JCAD: variants seen among roughly 807,000 people sequenced by gnomAD.
JCAD encodes junctional cadherin 5 associated.
In JCAD, 40 loss-of-function variants were observed where a neutral mutation model predicts 98.0. The ratio of observed to expected loss-of-function variants is 0.41; its 90% CI spans 0.32 to 0.53. JCAD has a LOEUF of 0.53. JCAD is among the 20% of genes least tolerant of loss of function. The pLI is 0.31. For synonymous variants in JCAD, 691 were observed against 682.3 expected, an observed-to-expected ratio of 1.01 and a Z score of -0.20; for missense variants, 1,705 against 1,738.1, an observed-to-expected ratio of 0.98 and a Z score of 0.34.
chr10:30,100,591 C>T (rs1292925687), intron 1 of JCAD, among the ~76,000 whole-genome samples: 1 of 152,136 alleles, frequency 6.6e-6, no homozygotes, highest in Non-Finnish European at 1.5e-5. Flanking sequence ...ACCAAGTTGG[C>T]CACGCTGGTC....
At chr10:30,032,827 G>A (rs879435757) in intron 2 of JCAD, among the ~76,000 whole-genome samples, 3 of 152,084 alleles carry the variant, frequency 2.0e-5, no homozygotes, top group East Asian at 1.9e-4. Context: ...CTGCTTACAC[G>A]GTGGTTGCTG....
chr10:30,065,396 A>C (rs1423154083), intron 2 of JCAD, among the ~76,000 whole-genome samples: 2 of 152,210 alleles, frequency 1.3e-5, no homozygotes, highest in Admixed American at 1.3e-4. Flanking sequence ...AATAAATAAA[A>C]AGCTGCCAAA....
chr10:30,032,006 G>A (rs1025068614), intron 2 of JCAD, among the ~76,000 whole-genome samples: 2 of 151,700 alleles, frequency 1.3e-5, no homozygotes, highest in African/African-American at 2.4e-5. Flanking sequence ...CGCCCGCCTC[G>A]GCCTCCCAAA....
At chr10:30,106,860 C>A (rs770829289) in intron 1 of JCAD, among the ~76,000 whole-genome samples, 35 of 152,132 alleles carry the variant, frequency 2.3e-4, no homozygotes, top group Non-Finnish European at 3.5e-4. Flanking sequence ...TTTGATTTCT[C>A]AATTATTATC....
rs989237024 is a variant in JCAD at position 30,017,687 on chromosome 10, C to T, written c.*196G>A. 3.6e-5 allele frequency: 23 copies of T among 639,196 alleles called. No homozygotes were observed. The highest frequency in any genetic ancestry group is 1.7e-4 in the South Asian group (9 of 53,960). 39.6% of individuals were successfully genotyped at this position (639,196 alleles called of 1,614,324 possible). A position where few individuals can be genotyped will look rare whatever the true frequency, so the allele number is the denominator to read the frequency against. On this transcript the variant is annotated 3_prime_UTR_variant, in exon 4 of 4. Transcript: ENST00000375377. Reference sequence around the variant, plus strand: ...TATAAAAACAGATGGTTTCAACGGACGATTGCTTTATCGCCACAAAGCAAT... The same window carrying T: ...TATAAAAACAGATGGTTTCAACGGATGATTGCTTTATCGCCACAAAGCAAT...
intron 1 of JCAD, among the ~76,000 whole-genome samples, chr10:30,084,396 A>C (rs1838134568): frequency 6.6e-6 from 1 of 152,188 alleles, no homozygotes; most frequent in Admixed American, 6.5e-5. Flanking sequence ...ATTTGGTCAA[A>C]CCTTCTGTGC....
chr10:30,093,598 C>T (rs1838319411), intron 1 of JCAD, among the ~76,000 whole-genome samples: 3 of 152,202 alleles, frequency 2.0e-5, no homozygotes, highest in Non-Finnish European at 4.4e-5. Flanking sequence ...TGAGATCCTG[C>T]CAAATATGTC....
intron 2 of JCAD, among the ~76,000 whole-genome samples, chr10:30,041,064 C>T (rs1381512257): frequency 6.6e-6 from 1 of 152,172 alleles, no homozygotes; most frequent in Non-Finnish European, 1.5e-5. Context: ...CACACCACTG[C>T]ACCTCCAGAA....
At chr10:30,077,019 A>C (rs1395377145) in intron 1 of JCAD, among the ~76,000 whole-genome samples, 2 of 152,136 alleles carry the variant, frequency 1.3e-5, no homozygotes, top group East Asian at 3.9e-4. Context: ...AACTTGGAAA[A>C]ACGTATGAAG....
At chr10:30,105,216 C>T (rs1016231798) in intron 1 of JCAD, among the ~76,000 whole-genome samples, 1 of 152,166 alleles carries the variant, frequency 6.6e-6, no homozygotes, top group African/African-American at 2.4e-5. Flanking sequence ...AATAATTTTT[C>T]AACATCCCTA....
In JCAD at chr10:30,052,515, G is replaced by A. The variant is rs972360872; in HGVS notation, c.-59-4644C>T. 2.0e-5 allele frequency among the ~76,000 whole-genome samples: 3 copies of A among 152,162 alleles called. 1 individual carries two copies. The highest frequency in any genetic ancestry group is 2.9e-5 in the Non-Finnish European group (2 of 68,046). Reference sequence around the variant, plus strand: ...ATCTGAAGACAGAACCTCTGACCTTGGCCTTATTAGCACCCATGCAGAGGC... The same window carrying A: ...ATCTGAAGACAGAACCTCTGACCTTAGCCTTATTAGCACCCATGCAGAGGC... On this transcript the variant is annotated intron_variant, in intron 1 of 3. Transcript: ENST00000375377.
At chr10:30,111,344 A>G (rs1838699706) in intron 1 of JCAD, among the ~76,000 whole-genome samples, 1 of 152,164 alleles carries the variant, frequency 6.6e-6, no homozygotes, top group Admixed American at 6.5e-5. Flanking sequence ...ACTGGTCTCT[A>G]ACTCCTGGCC....
Position 30,024,734 on chromosome 10 carries a change from C to A in JCAD, c.4045+1369G>T, listed in dbSNP as rs55885169. On this transcript the variant is annotated intron_variant, in intron 3 of 3. Transcript: ENST00000375377. ...TTTTTGAGACGGAGTCTTGCTCTGT[C>A]GCCCAGGCTGGAGTGCAGAGGCACA... is the stretch of plus-strand genomic sequence containing the variant. 3.6e-5 allele frequency among the ~76,000 whole-genome samples: 5 copies of A among 138,796 alleles called. No individual in the cohort carries two copies. In the South Asian group the frequency reaches 1.2e-3, roughly 32 times the overall value. 91.1% of individuals were successfully genotyped at this position (138,796 alleles called of 152,430 possible).
chr10:30,112,319 T>A (rs539538467), intron 1 of JCAD, among the ~76,000 whole-genome samples: 30 of 146,466 alleles, frequency 2.0e-4, no homozygotes, highest in South Asian at 1.7e-3. Flanking sequence ...ACAAAAAATT[T>A]AAAAAAAAAA....
intron 3 of JCAD, among the ~76,000 whole-genome samples, chr10:30,020,326 C>CAAA (rs59762991): frequency 7.2e-5 from 6 of 83,036 alleles, no homozygotes; most frequent in Middle Eastern, 6.3e-3. Flanking sequence ...GACTCGGTCT[C>CAAA]AAAAAAAAAA....
chr10:30,109,355 C>T (rs1486234906), intron 1 of JCAD, among the ~76,000 whole-genome samples: 1 of 152,148 alleles, frequency 6.6e-6, no homozygotes, highest in African/African-American at 2.4e-5. Context: ...AGCAAGCCTT[C>T]CCTTTTTCCT....
intron 3 of JCAD, among the ~76,000 whole-genome samples, chr10:30,020,881 G>T (rs555059701): frequency 1.3e-5 from 2 of 152,196 alleles, no homozygotes; most frequent in African/African-American, 2.4e-5. Flanking sequence ...GGGAGCACCT[G>T]TTATTAAGAT....
chr10:30,065,507 A>ATT (rs541382286), intron 2 of JCAD, among the ~76,000 whole-genome samples: 3,855 of 147,982 alleles, frequency 0.026, 150 homozygotes, highest in African/African-American at 0.085. Context: ...ATATCGCATA[A>ATT]TTTTTTTTTT....
At chr10:30,040,674 C>A (rs1206657353) in intron 2 of JCAD, among the ~76,000 whole-genome samples, 1 of 152,226 alleles carries the variant, frequency 6.6e-6, no homozygotes, top group East Asian at 1.9e-4. Flanking sequence ...AAGGACCCTG[C>A]AGCTGGGTCT....
Sources: gnomAD v4.1 joint callset for allele counts (sites outside exome capture counted in the v4.1 genomes callset) on GRCh38, gnomAD v4.1.1 for gene constraint, MANE v1.5 for transcripts, NCBI Gene and HGNC (gene_info 2026-07-23, HGNC 2026-07-21) for gene names.